Variants in CYP24A1 observed in about 807,000 individuals in gnomAD.
The protein encoded by CYP24A1 is cytochrome P450 family 24 subfamily A member 1.
Under a neutral mutation model 62.4 loss-of-function variants are expected in CYP24A1, and 68 were observed. The ratio of observed to expected loss-of-function variants is 1.09; its 90% confidence interval spans 0.90 to 1.33. CYP24A1 has a LOEUF of 1.33. CYP24A1 is among the 40% of genes most tolerant of loss of function. The probability of loss-of-function intolerance (pLI) is 0.00; values close to 1 mark genes in which losing one functional copy is unlikely to be tolerated. For missense variants in CYP24A1, 787 were observed against 653.0 expected, an observed-to-expected ratio of 1.21 and a Z score of -2.24; for synonymous variants, 267 against 253.0, an observed-to-expected ratio of 1.06 and a Z score of -0.52.
At chr20:54,144,762 T>A in the CYP24A1 span, among the ~76,000 whole-genome samples, 1 of 151,534 alleles carries the variant, frequency 6.6e-6, no homozygotes. Flanking sequence ...GACCTGTACA[T>A]ACTGGTATAC....
intron 4 of CYP24A1, among the ~76,000 whole-genome samples, chr20:54,167,867 C>T (rs975290600): frequency 6.6e-6 from 1 of 152,162 alleles, no homozygotes; most frequent in Non-Finnish European, 1.5e-5. Context: ...CCTTCTATCC[C>T]TCCCATCAGC....
chr20:54,171,733 A>G, intron 2 of CYP24A1, 63 bp from the exon 3 acceptor site: 1 of 1,613,400 alleles, frequency 6.2e-7, no homozygotes. Flanking sequence ...ATGCAGAAAT[A>G]CTCCAGCTGC....
At chr20:54,157,650 G>T in intron 9 of CYP24A1, 65 bp from the exon 10 acceptor site, 1 of 942,256 alleles carries the variant, frequency 1.1e-6, no homozygotes, top group East Asian at 2.4e-5. Flanking sequence ...TGGCAAAATT[G>T]ACACAAGTTG....
intron 6 of CYP24A1, 64 bp downstream of exon 6, chr20:54,164,388 T>C: frequency 1.2e-6 from 2 of 1,613,046 alleles, no homozygotes; most frequent in South Asian, 2.2e-5. Flanking sequence ...AGACCTCCTC[T>C]CTGAAGCTCC....
chr20:54,162,856 G>A lies in CYP24A1; in HGVS notation c.851C>T (p.Ala284Val), dbSNP rs200624428. 1 of 1,568,332 alleles carries A rather than the reference G, an allele frequency of 6.4e-7. No individual in the cohort carries two copies. The highest frequency in any genetic ancestry group is 8.8e-7 in the Non-Finnish European group (1 of 1,138,542). ...AWDTIFKSVK[A>V]CIDNRLEKYS... ...CTTCTCTAACCGGTTGTCGATACAA[G>A]CTTTGACTATTAGAGCAGAGAAGAA... Residue 284 changes from alanine (A) to valine (V), a missense_variant, in exon 7 of 12, where the codon GCT (alanine) becomes GTT (valine). By Grantham distance (64) the Ala-to-Val change is moderately conservative (BLOSUM62 0). Transcript: ENST00000216862.
intron 2 of CYP24A1, 187 bp downstream of exon 2, chr20:54,172,722 C>G: frequency 7.3e-7 from 1 of 1,376,228 alleles, no homozygotes; most frequent in Non-Finnish European, 9.6e-7. Flanking sequence ...CACGGCTTTT[C>G]CGTGGACCGA....
intron 11 of CYP24A1, 97 bp downstream of exon 11, chr20:54,157,072 T>TG (rs774750770): frequency 5.6e-6 from 4 of 712,278 alleles, no homozygotes; most frequent in Non-Finnish European, 1.0e-5. Context: ...AGAGGTGAGC[T>TG]GGGATTCAAA....
At chr20:54,151,796 A>G (rs1458943761), downstream of CYP24A1, among the ~76,000 whole-genome samples, 1 of 152,032 alleles carries the variant, frequency 6.6e-6, no homozygotes, top group East Asian at 1.9e-4. Flanking sequence ...GAACCAATCT[A>G]TCTTTGTTGG....
intron 5 of CYP24A1, among the ~76,000 whole-genome samples, chr20:54,164,942 A>G (rs1012844757): frequency 6.6e-6 from 1 of 152,218 alleles, no homozygotes; most frequent in African/African-American, 2.4e-5. Flanking sequence ...TCCTATCTAC[A>G]CGCCACCCAA....
Position 54,157,601 on chromosome 20 carries a change from G to A in CYP24A1, c.1237-16C>T. On this transcript the variant is annotated splice_polypyrimidine_tract_variant and intron_variant, in intron 9 of 11. Transcript: ENST00000216862. ...TGAGCACTGTCTAAACACATGCAGA[G>A]ACACATAGTATTTAAAATAACCAGA... 1 of 1,399,282 alleles carries A rather than the reference G, an allele frequency of 7.1e-7. No homozygotes were observed. The highest frequency in any genetic ancestry group is 1.4e-5 in the African/African-American group (1 of 70,726). 86.7% of individuals were successfully genotyped at this position (1,399,282 alleles called of 1,614,324 possible).
chr20:54,169,677 A>T lies in CYP24A1; in HGVS notation c.555T>A (p.Asp185Glu), dbSNP rs769239553. ...LDNKINEVLA[D>E]FMGRIDELCD... ...AGAGCTCATCTATTCTGCCCATAAA[A>T]TCGGCCAAGACCTTCAAAGAAAACA... The change falls in exon 4 of 12, where the codon GAT becomes GAA. Residue 185 changes from aspartate to glutamate, a missense_variant. Coordinates refer to ENST00000216862, the MANE Select transcript of CYP24A1 (RefSeq NM_000782.5). 1 of 1,614,148 alleles carries T rather than the reference A, an allele frequency of 6.2e-7. No homozygotes were observed. The highest frequency in any genetic ancestry group is 2.2e-5 in the East Asian group (1 of 44,888).
chr20:54,159,213 A>T, intron 7 of CYP24A1, 90 bp from the exon 8 acceptor site: 2 of 975,106 alleles, frequency 2.1e-6, no homozygotes, highest in Non-Finnish European at 3.3e-6. Context: ...CCACCACCTT[A>T]TTCTGCAAAT....
At chr20:54,161,257 T>C (rs1464688679) in intron 7 of CYP24A1, among the ~76,000 whole-genome samples, 1 of 152,254 alleles carries the variant, frequency 6.6e-6, no homozygotes, top group Non-Finnish European at 1.5e-5. Flanking sequence ...CACGAGGTCT[T>C]TCTGTGGCTG....
At position 54,173,462 on chromosome 20, in the gene CYP24A1, C is replaced by A. The variant is rs1279126895; in HGVS notation, c.118G>T (p.Glu40Ter). The A allele has an allele frequency of 3.2e-6, 5 of 1,567,232 alleles. No individual in the cohort carries two copies. The highest frequency in any genetic ancestry group is 4.3e-6 in the Non-Finnish European group (5 of 1,156,114). Residue 40 changes from glutamate (E) to a stop codon, truncating the protein, a stop_gained, in exon 1 of 12, where the codon GAG becomes TAG. Coordinates refer to ENST00000216862, the MANE Select transcript of CYP24A1 (RefSeq NM_000782.5). LOFTEE classifies it high-confidence loss of function. This position sits in a 1 kb window ranked among gnomAD's most constrained non-coding sequence, Gnocchi z 7.2. ...STAYTSPQPR[E>*]VPVCPLTAGG... ...GCTGTCAGCGGGCAGACTGGCACCT[C>A]TCGCGGCTGAGGGGACGTGTACGCC...
chr20:54,155,654 A>T (rs963401189), intron 11 of CYP24A1, among the ~76,000 whole-genome samples: 7 of 150,958 alleles, frequency 4.6e-5, no homozygotes, highest in South Asian at 4.2e-4. Context: ...GAAGAATCGC[A>T]TGAACCCAGG....
rs561540935 is a variant in CYP24A1 at position 54,154,052 on chromosome 20, T to G, written c.*720A>C. ...ATTACCATTAGAACCCACACACACA[T>G]ACACGGACACACACACACAGACACA... On this transcript the variant is annotated 3_prime_UTR_variant, in exon 12 of 12. Transcript: ENST00000216862. 1.3e-5 allele frequency: 2 copies of G among 151,984 alleles called. No individual in the cohort carries two copies. Among genetic ancestry groups the G allele is most frequent in the Admixed American group, 6.6e-5 (1 of 15,242 alleles). The allele number at this position is 151,984 out of a possible 1,614,324, so 9.4% of individuals were successfully genotyped here. A position where few individuals can be genotyped will look rare whatever the true frequency, so the allele number is the denominator to read the frequency against.
downstream of CYP24A1, among the ~76,000 whole-genome samples, chr20:54,151,018 G>T (rs1380614610): frequency 6.6e-6 from 1 of 152,176 alleles, no homozygotes; most frequent in Non-Finnish European, 1.5e-5. Context: ...AGACTTATGG[G>T]AAATTAATTT....
chr20:54,169,070 G>A (rs778098335), intron 4 of CYP24A1, among the ~76,000 whole-genome samples: 2 of 151,352 alleles, frequency 1.3e-5, no homozygotes, highest in African/African-American at 4.9e-5. Flanking sequence ...ACTAATTTTT[G>A]TATTTTTTGT....
At chr20:54,166,745 C>T (rs2092673520) in intron 4 of CYP24A1, among the ~76,000 whole-genome samples, 1 of 151,738 alleles carries the variant, frequency 6.6e-6, no homozygotes, top group African/African-American at 2.4e-5. Context: ...AAAAAAAGGA[C>T]ACAGGGCCGA....
Sources: gnomAD v4.1 joint callset for allele counts (sites outside exome capture counted in the v4.1 genomes callset) on GRCh38, gnomAD v4.1.1 for gene constraint, Gnocchi (gnomAD v3.1) non-coding constraint, MANE v1.5 for transcripts, NCBI Gene and HGNC (gene_info 2026-07-23, HGNC 2026-07-21) for gene names.